Variants in DRICH1 observed in about 807,000 individuals in gnomAD.
The protein encoded by DRICH1 is aspartate-rich protein 1.
DRICH1 carries 38 observed loss-of-function variants against 39.5 expected under a neutral mutation model. The ratio of observed to expected loss-of-function variants is 0.96; its 90% CI spans 0.74 to 1.26. The LOEUF is 1.26. Ranked by LOEUF, DRICH1 falls within the 50% of genes most tolerant of loss-of-function variation. The pLI, the probability that DRICH1 is intolerant of heterozygous loss-of-function variation, is 0.00. For synonymous variants in DRICH1, 84 were observed against 99.5 expected (o/e 0.84, Z 0.93); for missense variants, 279 against 270.4 (o/e 1.03, Z -0.22).
chr22:23,591,340 G>T, the DRICH1 span, among the ~76,000 whole-genome samples: 3 of 152,308 alleles, frequency 2.0e-5, no homozygotes, highest in East Asian at 5.8e-4. Flanking sequence ...CTCAAGGACT[G>T]CACTGGAGCT....
At chr22:23,609,726 G>A (rs532851150) in intron 11 of DRICH1, among the ~76,000 whole-genome samples, 1 of 152,232 alleles carries the variant, frequency 6.6e-6, no homozygotes, top group East Asian at 1.9e-4. Flanking sequence ...CTCAGATTCA[G>A]GACTAATCTC....
the DRICH1 span, among the ~76,000 whole-genome samples, chr22:23,589,967 G>C: frequency 6.6e-6 from 1 of 152,260 alleles, no homozygotes; most frequent in East Asian, 1.9e-4. Context: ...CAGTGCCCCA[G>C]TACCCTGATA....
At chr22:23,589,203 C>A in the DRICH1 span, among the ~76,000 whole-genome samples, 1 of 152,060 alleles carries the variant, frequency 6.6e-6, no homozygotes, top group Admixed American at 6.6e-5. Flanking sequence ...ATAATCCCAG[C>A]ACTTTGGGAG....
At chr22:23,608,836 C>CA (rs1926878332) in intron 11 of DRICH1, 68 bp from the exon 12 acceptor site, 9 of 1,520,844 alleles carry the variant, frequency 5.9e-6, no homozygotes, top group Non-Finnish European at 8.0e-6. Context: ...GACATCATCC[C>CA]ACTAAGCAGC....
chr22:23,582,561 A>ATTATTAT, the DRICH1 span, among the ~76,000 whole-genome samples: 6 of 144,064 alleles, frequency 4.2e-5, no homozygotes, highest in South Asian at 6.6e-4. Context: ...GGGGCTTATT[A>ATTATTAT]TTATTATTAT....
At chr22:23,597,154 T>C in the DRICH1 span, among the ~76,000 whole-genome samples, 1 of 138,840 alleles carries the variant, frequency 7.2e-6, no homozygotes, top group East Asian at 2.0e-4. Flanking sequence ...CTTCCTGCCT[T>C]GCCTCCTTCC....
intron 1 of DRICH1, 92 bp from the exon 2 acceptor site, chr22:23,626,140 G>T: frequency 1.2e-6 from 1 of 839,332 alleles, no homozygotes; most frequent in Non-Finnish European, 2.0e-6. Flanking sequence ...ATGGAGCGTG[G>T]GACTGAAGGT....
chr22:23,612,482 G>A (rs4822432), intron 11 of DRICH1, among the ~76,000 whole-genome samples: 92,173 of 120,028 alleles, frequency 0.77, 34,727 homozygotes, highest in Middle Eastern at 0.81. Context: ...AAAAAAAAAA[G>A]AAAAAAAAAA....
chr22:23,615,888 A>G (rs959168814), intron 8 of DRICH1, among the ~76,000 whole-genome samples: 8 of 152,232 alleles, frequency 5.3e-5, no homozygotes, highest in Non-Finnish European at 7.3e-5. Context: ...AGTGTCAAAA[A>G]TACACAATGG....
downstream of DRICH1, among the ~76,000 whole-genome samples, chr22:23,605,609 T>C (rs1039957833): frequency 2.0e-5 from 3 of 151,798 alleles, no homozygotes; most frequent in African/African-American, 7.3e-5. Flanking sequence ...GTGGACATCC[T>C]GCCCCTGCCT....
intron 3 of DRICH1, chr22:23,623,806 A>G (rs760814236): frequency 5.4e-6 from 2 of 370,078 alleles, no homozygotes; most frequent in African/African-American, 2.2e-5. Context: ...TAAGTATCAC[A>G]GATGTAGAAT....
At chr22:23,623,138 C>T (rs1927865205) in intron 3 of DRICH1, among the ~76,000 whole-genome samples, 1 of 152,176 alleles carries the variant, frequency 6.6e-6, no homozygotes, top group East Asian at 1.9e-4. Context: ...GGCATGGTGG[C>T]TCATGCCTAT....
chr22:23,596,069 C>G, the DRICH1 span, among the ~76,000 whole-genome samples: 1 of 152,224 alleles, frequency 6.6e-6, no homozygotes, highest in African/African-American at 2.4e-5. Flanking sequence ...TAGAAACTGT[C>G]CCTTCATTAT....
At chr22:23,630,844 C>A (rs1928346411) in intron 1 of DRICH1, 1 of 152,160 alleles carries the variant, frequency 6.6e-6, no homozygotes, top group Admixed American at 6.5e-5. Context: ...GCCAGGCAGG[C>A]TCTCCAGACA....
At chr22:23,607,537 G>GT (rs528800305), downstream of DRICH1, among the ~76,000 whole-genome samples, 2,614 of 71,404 alleles carry the variant, frequency 0.037, 35 homozygotes, top group Non-Finnish European at 0.045. Context: ...GCTGGCGGGG[G>GT]CGGGGGGGGG....
At chr22:23,593,970 T>A in the DRICH1 span, among the ~76,000 whole-genome samples, 1 of 21,950 alleles carries the variant, frequency 4.6e-5, no homozygotes. Flanking sequence ...AGAGCAAGAC[T>A]CTGTCTCAAA....
chr22:23,622,254 G>A (rs1366017997), intron 3 of DRICH1, 78 bp from the exon 4 acceptor site: 18 of 1,253,556 alleles, frequency 1.4e-5, no homozygotes, highest in East Asian at 2.3e-5. Context: ...GCTGGATGTG[G>A]TGTATGGAGG....
intron 11 of DRICH1, among the ~76,000 whole-genome samples, chr22:23,611,008 C>G (rs976784595): frequency 3.3e-5 from 5 of 151,784 alleles, no homozygotes; most frequent in Admixed American, 1.3e-4. Context: ...ACTCATATAA[C>G]CTGTCAGTAA....
At chr22:23,627,645 G>T (rs1928146906) in intron 1 of DRICH1, among the ~76,000 whole-genome samples, 1 of 152,178 alleles carries the variant, frequency 6.6e-6, no homozygotes, top group South Asian at 2.1e-4. Context: ...TCCAGCAGGG[G>T]GTGCACGTGC....
Sources: allele counts gnomAD v4.1 joint callset (sites outside exome capture counted in the v4.1 genomes callset), GRCh38; gene constraint gnomAD v4.1.1; transcripts MANE v1.5; gene names NCBI Gene and HGNC (gene_info 2026-07-23, HGNC 2026-07-21).